GRIN2A: variants seen among roughly 807,000 people sequenced by gnomAD.
GRIN2A encodes glutamate ionotropic receptor NMDA type subunit 2A.
In GRIN2A, 22 loss-of-function variants were observed where a neutral mutation model predicts 113.4. The ratio of observed to expected loss-of-function variants is 0.19; its 90% CI spans 0.14 to 0.28. The LOEUF is 0.28. GRIN2A is among the 10% of genes least tolerant of loss of function. GRIN2A has a pLI of 1.00. For missense variants in GRIN2A, 1,502 were observed against 1,887.0 expected (o/e 0.80, Z 3.78); for synonymous variants, 827 against 738.4 (o/e 1.12, Z -1.94).
intron 2 of GRIN2A, among the ~76,000 whole-genome samples, chr16:10,018,451 C>T (rs8060239): frequency 0.051 from 7,833 of 152,240 alleles, 281 homozygotes; most frequent in Non-Finnish European, 0.081. Context: ...TTCACCAAAA[C>T]GTGAAAGGGG....
chr16:10,044,007 G>GTATATATATATA (rs368522556), intron 2 of GRIN2A, among the ~76,000 whole-genome samples: 184 of 116,838 alleles, frequency 1.6e-3, no homozygotes, highest in African/African-American at 5.0e-3. Context: ...GTGTGTGTGT[G>GTATATATATATA]TATATATATA....
intron 2 of GRIN2A, among the ~76,000 whole-genome samples, chr16:10,134,128 C>G (rs535082652): frequency 7.0e-6 from 1 of 143,858 alleles, no homozygotes; most frequent in East Asian, 2.1e-4. Flanking sequence ...ACCAGGAAGT[C>G]GAAGGTGCAG....
intron 11 of GRIN2A, among the ~76,000 whole-genome samples, chr16:9,776,212 A>T (rs1423200829): frequency 6.6e-6 from 1 of 151,828 alleles, no homozygotes; most frequent in African/African-American, 2.4e-5. Flanking sequence ...CACCTTCAGG[A>T]AGTCTTCCCT....
At position 9,764,951 on chromosome 16, in the gene GRIN2A, G is replaced by A. The variant is rs1229937737; in HGVS notation, c.2596-3C>T. On this transcript the variant is annotated splice_region_variant and splice_polypyrimidine_tract_variant and intron_variant, in intron 12 of 12. Coordinates refer to ENST00000330684, the MANE Select transcript of GRIN2A (RefSeq NM_001134407.3). Reference sequence around the variant, plus strand: ...CCATGAATGCAGCTGTAGATGCCCTGTAGGGGAGCAACATAAAGCACTGTC... The same window carrying A: ...CCATGAATGCAGCTGTAGATGCCCTATAGGGGAGCAACATAAAGCACTGTC... The A allele has an allele frequency of 6.2e-7, 1 of 1,614,048 alleles. No individual in the cohort carries two copies.
At chr16:9,773,447 T>C (rs1328180813) in intron 11 of GRIN2A, among the ~76,000 whole-genome samples, 1 of 152,230 alleles carries the variant, frequency 6.6e-6, no homozygotes, top group African/African-American at 2.4e-5. Context: ...GCCGTGATCT[T>C]TGTCAGTGTG....
intron 2 of GRIN2A, among the ~76,000 whole-genome samples, chr16:9,963,879 T>C (rs900673362): frequency 6.6e-6 from 1 of 152,120 alleles, no homozygotes; most frequent in African/African-American, 2.4e-5. Context: ...TTTAGAGCTA[T>C]GTGCCAGACA....
chr16:9,897,221 A>ATATGTACGTATTTTATATATAT (rs60188583), intron 3 of GRIN2A, among the ~76,000 whole-genome samples: 2 of 149,224 alleles, frequency 1.3e-5, no homozygotes, highest in African/African-American at 2.5e-5. Flanking sequence ...TTATATATAT[A>ATATGTACGTATTTTATATATAT]AAAAAATACA....
At chr16:10,126,764 C>G (rs1049858478) in intron 2 of GRIN2A, among the ~76,000 whole-genome samples, 1 of 152,142 alleles carries the variant, frequency 6.6e-6, no homozygotes, top group African/African-American at 2.4e-5. Flanking sequence ...TTGATTCTGC[C>G]AAAAATATTG....
chr16:9,993,983 T>C (rs2046175455), intron 2 of GRIN2A, among the ~76,000 whole-genome samples: 1 of 152,224 alleles, frequency 6.6e-6, no homozygotes, highest in South Asian at 2.1e-4. Context: ...AGTCTGATAT[T>C]CTACAGGAAT....
At chr16:9,986,556 A>C (rs1036959184) in intron 2 of GRIN2A, among the ~76,000 whole-genome samples, 13 of 152,082 alleles carry the variant, frequency 8.5e-5, no homozygotes, top group Admixed American at 2.0e-4. Context: ...TGAGGTCAGG[A>C]GTTCGAGACC....
intron 2 of GRIN2A, among the ~76,000 whole-genome samples, chr16:10,165,820 G>A (rs950436897): frequency 5.9e-5 from 9 of 151,502 alleles, no homozygotes; most frequent in Admixed American, 2.0e-4. Context: ...AGAAAAAGAA[G>A]AGAGGAGAAG....
chr16:10,006,915 TAACA>T (rs1351217512), intron 2 of GRIN2A, among the ~76,000 whole-genome samples: 1 of 152,230 alleles, frequency 6.6e-6, no homozygotes, highest in Non-Finnish European at 1.5e-5. Flanking sequence ...TTATTTCACT[TAACA>T]TAGTGACCTT....
chr16:10,149,390 A>C (rs1357237086), intron 2 of GRIN2A, among the ~76,000 whole-genome samples: 1 of 152,358 alleles, frequency 6.6e-6, no homozygotes, highest in Non-Finnish European at 1.5e-5. Flanking sequence ...TTAAAAATTT[A>C]AGAAAGAAAT....
chr16:9,828,367 A>G (rs1304269238), intron 9 of GRIN2A, among the ~76,000 whole-genome samples: 1 of 152,172 alleles, frequency 6.6e-6, no homozygotes, highest in East Asian at 1.9e-4. Context: ...ACCCCTCATC[A>G]GCTCTCTTGA....
chr16:10,118,329 TAAAGGGAAC>T lies in GRIN2A; in HGVS notation c.414+61660_414+61668del, dbSNP rs746670468. 2.7e-3 allele frequency among the ~76,000 whole-genome samples: 412 copies of T among 152,298 alleles called. 2 individuals are homozygous for T. The highest frequency in any genetic ancestry group is 4.3e-3 in the Non-Finnish European group (295 of 68,028). On this transcript the variant is annotated intron_variant, in intron 2 of 12. Coordinates refer to ENST00000330684, the MANE Select transcript of GRIN2A (RefSeq NM_001134407.3). ...TCCTGTCACTTATATCTCTGGCTAA[TAAAGGGAAC>T]TATGGTCACCCCCACCCCACCCCAC...
intron 2 of GRIN2A, among the ~76,000 whole-genome samples, chr16:10,050,299 C>T (rs546005430): frequency 5.9e-5 from 9 of 152,288 alleles, no homozygotes; most frequent in African/African-American, 1.7e-4. Context: ...CCCCAAGCCA[C>T]GGACCAGTAC....
At chr16:9,813,068 A>G (rs1324687631) in intron 10 of GRIN2A, among the ~76,000 whole-genome samples, 1 of 152,260 alleles carries the variant, frequency 6.6e-6, no homozygotes, top group Non-Finnish European at 1.5e-5. Context: ...GACATTCTCC[A>G]CAAGCTGTCC....
At chr16:10,039,201 AG>A (rs944003104) in intron 2 of GRIN2A, among the ~76,000 whole-genome samples, 5 of 151,994 alleles carry the variant, frequency 3.3e-5, no homozygotes, top group Non-Finnish European at 5.9e-5. Flanking sequence ...AGAAAGGCAG[AG>A]GGGGGACCCA....
At chr16:9,882,274 C>T (rs898984485) in intron 4 of GRIN2A, among the ~76,000 whole-genome samples, 12 of 152,146 alleles carry the variant, frequency 7.9e-5, no homozygotes, top group African/African-American at 2.4e-4. Flanking sequence ...TTGCACCCCA[C>T]GCATCACTAT....
Sources: allele counts gnomAD v4.1 joint callset (sites outside exome capture counted in the v4.1 genomes callset), GRCh38; gene constraint gnomAD v4.1.1; transcripts MANE v1.5; gene names NCBI Gene and HGNC (gene_info 2026-07-23, HGNC 2026-07-21).